Variants in KCNQ1 observed in about 807,000 individuals in gnomAD.
KCNQ1 encodes the protein potassium voltage-gated channel subfamily Q member 1, also known as potassium voltage-gated channel subfamily KQT member 1.
In KCNQ1, 49 loss-of-function variants were observed where a neutral mutation model predicts 72.4. That is an observed-to-expected ratio of 0.68 (90% confidence interval 0.54 to 0.86). The LOEUF (loss-of-function observed/expected upper bound fraction) is 0.86, where lower values mean the gene tolerates loss of function less well. Ranked by LOEUF, KCNQ1 falls within the 40% of genes least tolerant of loss-of-function variation. The pLI, the probability that KCNQ1 is intolerant of heterozygous loss-of-function variation, is 0.00. For synonymous variants in KCNQ1, 450 were observed against 412.6 expected (o/e 1.09, Z -1.10); for missense variants, 790 against 945.1 (o/e 0.84, Z 2.15).
At position 2,526,770 on chromosome 11, in the gene KCNQ1, G is replaced by T. The variant is rs1238896898; in HGVS notation, c.387-1158G>T. 1.2e-4 allele frequency among the ~76,000 whole-genome samples: 18 copies of T among 152,088 alleles called. No homozygotes were observed. Among genetic ancestry groups the T allele is most frequent in the Admixed American group, 1.0e-3 (16 of 15,286 alleles). ...AGGCTGGATGAGAGGCAATGCAGGG[G>T]GCCTTCTGGCTGTCCTGGGGTGGGT... On this transcript the variant is annotated intron_variant, in intron 1 of 15. Transcript: ENST00000155840. The surrounding 1 kb of genome is among the most constrained non-coding windows in gnomAD (Gnocchi z 6.1).
At position 2,481,474 on chromosome 11, in the gene KCNQ1, G is replaced by A. The variant is rs574427932; in HGVS notation, c.386+35990G>A. ...GTCTACAGCTAGGCTGCTTCCCCGA[G>A]GCTGTGTGGCCATCAGCCAGGCGTC... On this transcript the variant is annotated intron_variant, in intron 1 of 15. Coordinates refer to ENST00000155840, the MANE Select transcript of KCNQ1 (RefSeq NM_000218.3). The surrounding 1 kb of genome is among the most constrained non-coding windows in gnomAD (Gnocchi z 4.6). Among the ~76,000 whole-genome samples the A allele has an allele frequency of 1.1e-4, 16 of 152,134 alleles. No homozygotes were observed. The highest frequency in any genetic ancestry group is 1.5e-4 in the Non-Finnish European group (10 of 68,034).
In KCNQ1 at chr11:2,523,751, G is replaced by GTTTTTTTT. The variant is rs59766245; in HGVS notation, c.387-4164_387-4157dup. On this transcript the variant is annotated intron_variant, in intron 1 of 15. Transcript: ENST00000155840. ...GCCTCTGCCTTGGAGGAAGTTTACA[G>GTTTTTTTT]TTTTTTTTTTTTTTTTTTTTGAAAG... Among the ~76,000 whole-genome samples the GTTTTTTTT allele has an allele frequency of 5.3e-4, 61 of 115,140 alleles. 2 individuals carry two copies. Among genetic ancestry groups the GTTTTTTTT allele is most frequent in the African/African-American group, 1.6e-3 (47 of 29,494 alleles). The allele number at this position is 115,140 out of a possible 152,430, so 75.5% of individuals were successfully genotyped here.
At position 2,538,505 on chromosome 11, in the gene KCNQ1, G is replaced by A. The variant is rs2061871296; in HGVS notation, c.477+10487G>A. Among the ~76,000 whole-genome samples the A allele has an allele frequency of 6.6e-6, 1 of 152,210 alleles. No homozygotes were observed. The highest frequency in any genetic ancestry group is 2.1e-4 in the South Asian group (1 of 4,832). ...GCGGTTGACAGGGTTTGGATTGGCTGCGTTCCTGTCTGAAGGCAGCTGCTT... is the reference window on the plus strand; with the variant it reads ...GCGGTTGACAGGGTTTGGATTGGCTACGTTCCTGTCTGAAGGCAGCTGCTT... On this transcript the variant is annotated intron_variant, in intron 2 of 15. Transcript: ENST00000155840. The surrounding 1 kb of genome is among the most constrained non-coding windows in gnomAD (Gnocchi z 6.7).
chr11:2,715,913 G>A lies in KCNQ1; in HGVS notation c.1515-52931G>A, dbSNP rs1851084732. On this transcript the variant is annotated intron_variant, in intron 11 of 15. Transcript: ENST00000155840. This position sits in a 1 kb window ranked among gnomAD's most constrained non-coding sequence, Gnocchi z 4.9. ...ATTGAGTGGGTAGAGGGGGTGGCCA[G>A]AGTGGGAACCATGGTGATGCAAACC... 6.6e-6 allele frequency among the ~76,000 whole-genome samples: 1 copy of A among 152,206 alleles called. No individual in the cohort carries two copies. The highest frequency in any genetic ancestry group is 2.4e-5 in the African/African-American group (1 of 41,464).
chr11:2,595,402 T>G lies in KCNQ1; in HGVS notation c.1393+6548T>G, dbSNP rs1203449630. Among the ~76,000 whole-genome samples the G allele has an allele frequency of 1.3e-5, 2 of 152,216 alleles. No homozygotes were observed. Among genetic ancestry groups the G allele is most frequent in the Non-Finnish European group, 2.9e-5 (2 of 68,030 alleles). On this transcript the variant is annotated intron_variant, in intron 10 of 15. Transcript: ENST00000155840. The surrounding 1 kb of genome is among the most constrained non-coding windows in gnomAD (Gnocchi z 5.0). The stretch of plus-strand genomic sequence containing the variant: ...CTCATTCTTATTGACTGCACTTTGC[T>G]GATAATGCATTTTTTACAAATTGAA...
rs1846385336 is a variant in KCNQ1, at chr11:2,468,373, C to T, written c.386+22889C>T. ...TATTGCCCAGTCTAGTCTCAAGCTC[C>T]TGAGCTCAAGCGATCTGCCTGCCTC... On this transcript the variant is annotated intron_variant, in intron 1 of 15. Coordinates refer to ENST00000155840, the MANE Select transcript of KCNQ1 (RefSeq NM_000218.3). This position sits in a 1 kb window ranked among gnomAD's most constrained non-coding sequence, Gnocchi z 5.7. 6.6e-6 allele frequency among the ~76,000 whole-genome samples: 1 copy of T among 152,214 alleles called. No homozygotes were observed. The highest frequency in any genetic ancestry group is 1.5e-5 in the Non-Finnish European group (1 of 68,038).
intron 8 of KCNQ1, among the ~76,000 whole-genome samples, chr11:2,587,108 TC>T (rs1486120829): frequency 6.6e-6 from 1 of 152,150 alleles, no homozygotes; most frequent in African/African-American, 2.4e-5. Flanking sequence ...ATCCTGCCTC[TC>T]CCTGCCCCCT....
intron 11 of KCNQ1, chr11:2,686,144 G>A (rs1850486087): frequency 2.5e-6 from 1 of 398,766 alleles, no homozygotes; most frequent in African/African-American, 2.1e-5. Flanking sequence ...CCTTGCTTCT[G>A]GGGTTTGCTT....
At position 2,498,386 on chromosome 11, in the gene KCNQ1, C is replaced by T. The variant is rs895024291; in HGVS notation, c.387-29542C>T. On this transcript the variant is annotated intron_variant, in intron 1 of 15. Coordinates refer to ENST00000155840, the MANE Select transcript of KCNQ1 (RefSeq NM_000218.3). The surrounding 1 kb of genome is among the most constrained non-coding windows in gnomAD (Gnocchi z 4.8). ...GCCTTTCTTTCAGAGATGCCCTGCC[C>T]AGTGAGGAGGAATCTAGAGAAGCAG... Among the ~76,000 whole-genome samples, 6 of 152,222 alleles carry T rather than the reference C, an allele frequency of 3.9e-5. No homozygotes were observed. The highest frequency in any genetic ancestry group is 7.3e-5 in the Non-Finnish European group (5 of 68,042).
intron 2 of KCNQ1, among the ~76,000 whole-genome samples, chr11:2,533,341 CCGTGAACACCA>C (rs1359296838): frequency 3.5e-4 from 54 of 152,304 alleles, no homozygotes; most frequent in Middle Eastern, 3.4e-3. Flanking sequence ...CCGGCCGGCA[CCGTGAACACCA>C]CGTGAACACC....
In KCNQ1 at chr11:2,651,901, C is replaced by G. The variant is rs1231853322; in HGVS notation, c.1394-10060C>G. 2.5e-6 allele frequency: 1 copy of G among 398,614 alleles called. No homozygotes were observed. The highest frequency in any genetic ancestry group is 4.4e-6 in the Non-Finnish European group (1 of 226,176). The allele number at this position is 398,614 out of a possible 1,614,324, so 24.7% of individuals were successfully genotyped here. A position where few individuals can be genotyped will look rare whatever the true frequency, so the allele number is the denominator to read the frequency against. ...GCTGAGGGGGTCATAGCCGAGGGTCCCTCTGGGGCCGCTTGCTCTCCTCCT... is the reference window on the plus strand; with the variant it reads ...GCTGAGGGGGTCATAGCCGAGGGTCGCTCTGGGGCCGCTTGCTCTCCTCCT... On this transcript the variant is annotated intron_variant, in intron 10 of 15. Transcript: ENST00000155840. This position sits in a 1 kb window ranked among gnomAD's most constrained non-coding sequence, Gnocchi z 6.1.
chr11:2,708,948 G>A (rs1252317832), intron 11 of KCNQ1, among the ~76,000 whole-genome samples: 1 of 151,946 alleles, frequency 6.6e-6, no homozygotes. Flanking sequence ...AAGCCCTGCT[G>A]GAAAATCTGA....
At chr11:2,616,790 CTT>C (rs1216355312) in intron 10 of KCNQ1, 1 of 397,986 alleles carries the variant, frequency 2.5e-6, no homozygotes, top group African/African-American at 2.1e-5. Flanking sequence ...TATTGAGACT[CTT>C]TTGTGGCCTA....
rs1846686374 is a variant in KCNQ1 at position 2,483,467 on chromosome 11, T to C, written c.386+37983T>C. Among the ~76,000 whole-genome samples, 1 of 152,080 alleles carries C rather than the reference T, an allele frequency of 6.6e-6. No individual in the cohort carries two copies. Among genetic ancestry groups the C allele is most frequent in the African/African-American group, 2.4e-5 (1 of 41,400 alleles). ...AACTCAACTGCAGATCTGATTCAAA[T>C]CCCGCGTTTTTCTAGCATCCGGTTT... On this transcript the variant is annotated intron_variant, in intron 1 of 15. Transcript: ENST00000155840. The surrounding 1 kb of genome is among the most constrained non-coding windows in gnomAD (Gnocchi z 6.1).
At chr11:2,616,078 G>A (rs931554277) in intron 10 of KCNQ1, 7 of 397,840 alleles carry the variant, frequency 1.8e-5, no homozygotes, top group Non-Finnish European at 3.1e-5. Context: ...GTTTTGGTCT[G>A]TATTAGTATT....
intron 10 of KCNQ1, among the ~76,000 whole-genome samples, chr11:2,605,956 A>G (rs1344588836): frequency 3.3e-5 from 5 of 152,088 alleles, no homozygotes; most frequent in Non-Finnish European, 7.4e-5. Context: ...TTCTTTCAAC[A>G]ATGTTTTGTA....
At position 2,715,906 on chromosome 11, in the gene KCNQ1, G is replaced by T. The variant is rs1851084611; in HGVS notation, c.1515-52938G>T. ...TTGGGTGATTGAGTGGGTAGAGGGG[G>T]TGGCCAGAGTGGGAACCATGGTGAT... On this transcript the variant is annotated intron_variant, in intron 11 of 15. Coordinates refer to ENST00000155840, the MANE Select transcript of KCNQ1 (RefSeq NM_000218.3). The surrounding 1 kb of genome is among the most constrained non-coding windows in gnomAD (Gnocchi z 4.9). Among the ~76,000 whole-genome samples, 1 of 152,224 alleles carries T rather than the reference G, an allele frequency of 6.6e-6. No homozygotes were observed. Among genetic ancestry groups the T allele is most frequent in the Non-Finnish European group, 1.5e-5 (1 of 68,040 alleles).
intron 6 of KCNQ1, among the ~76,000 whole-genome samples, chr11:2,574,109 T>A (rs2133735084): frequency 6.6e-6 from 1 of 151,720 alleles, no homozygotes; most frequent in East Asian, 1.9e-4. Context: ...CCGAGGGGAG[T>A]AGCTGGCTGG....
At chr11:2,812,358 T>C (rs1025872846) in intron 15 of KCNQ1, among the ~76,000 whole-genome samples, 4 of 151,790 alleles carry the variant, frequency 2.6e-5, no homozygotes, top group African/African-American at 9.7e-5. Context: ...CCCTGAGACC[T>C]GGGACGCCGA....
Sources: allele counts gnomAD v4.1 joint callset (sites outside exome capture counted in the v4.1 genomes callset), GRCh38; gene constraint gnomAD v4.1.1; non-coding constraint Gnocchi (gnomAD v3.1); transcripts MANE v1.5; gene names NCBI Gene and HGNC (gene_info 2026-07-23, HGNC 2026-07-21).